STPG2: variants seen among roughly 807,000 people sequenced by gnomAD.
STPG2 encodes the protein sperm tail PG-rich repeat containing 2, also known as sperm-tail PG-rich repeat-containing protein 2.
Under a neutral mutation model 54.2 loss-of-function variants are expected in STPG2, and 56 were observed. That is an observed-to-expected ratio of 1.03 (90% CI 0.83 to 1.29). The LOEUF is 1.29. Among genes scored for constraint, STPG2 ranks in the 50% most tolerant of loss-of-function variants. The probability of loss-of-function intolerance (pLI) is 0.00; values close to 1 mark genes in which losing one functional copy is unlikely to be tolerated. For synonymous variants in STPG2, 200 were observed against 181.8 expected (o/e 1.10, Z -0.81); for missense variants, 596 against 544.9 (o/e 1.09, Z -0.93).
chr4:98,006,927 G>A (rs1367173712), intron 5 of STPG2, among the ~76,000 whole-genome samples: 1 of 152,122 alleles, frequency 6.6e-6, no homozygotes, highest in Non-Finnish European at 1.5e-5. Context: ...TGGTGCAGAA[G>A]CAGTTTCTCC....
chr4:97,740,600 C>G lies in STPG2; in HGVS notation c.1205-27786G>C, dbSNP rs573246681. Reference sequence around the variant, plus strand: ...AACAGAGAGCCAAATCATGAATGAACTCCCATTCACAATTTCTTCAAAGAG... The same window carrying G: ...AACAGAGAGCCAAATCATGAATGAAGTCCCATTCACAATTTCTTCAAAGAG... On this transcript the variant is annotated intron_variant, in intron 9 of 10. Coordinates refer to ENST00000295268, the MANE Select transcript of STPG2 (RefSeq NM_174952.3). Among the ~76,000 whole-genome samples the G allele has an allele frequency of 5.9e-5, 9 of 152,214 alleles. No individual in the cohort carries two copies. In the East Asian group the frequency reaches 1.7e-3, roughly 29 times the overall value.
chr4:97,805,134 T>C (rs1261144989), intron 9 of STPG2, among the ~76,000 whole-genome samples: 3 of 152,190 alleles, frequency 2.0e-5, no homozygotes, highest in East Asian at 1.9e-4. Context: ...GTGGGAAATA[T>C]TGGGTTGAAA....
At chr4:97,684,476 G>A (rs1723127039) in intron 10 of STPG2, among the ~76,000 whole-genome samples, 1 of 151,876 alleles carries the variant, frequency 6.6e-6, no homozygotes, top group East Asian at 1.9e-4. Flanking sequence ...ACATTTCAGT[G>A]GAGACAGGAT....
intron 4 of STPG2, among the ~76,000 whole-genome samples, chr4:97,467,842 GCT>G (rs1491574532): frequency 2.0e-5 from 3 of 146,404 alleles, no homozygotes; most frequent in Admixed American, 6.8e-5. Flanking sequence ...AGCTGCTTTT[GCT>G]TTTTTTTTTT....
At chr4:97,675,960 T>C (rs1722827749) in intron 10 of STPG2, among the ~76,000 whole-genome samples, 1 of 146,378 alleles carries the variant, frequency 6.8e-6, no homozygotes, top group South Asian at 2.1e-4. Flanking sequence ...ATATATAGTA[T>C]ACTATATATA....
chr4:97,657,649 A>G (rs1044412032), intron 10 of STPG2, among the ~76,000 whole-genome samples: 2 of 152,170 alleles, frequency 1.3e-5, no homozygotes, highest in African/African-American at 4.8e-5. Context: ...CTCAACTAAT[A>G]GGTCACTGCA....
chr4:97,654,571 G>A (rs1370438324), intron 10 of STPG2, among the ~76,000 whole-genome samples: 1 of 151,932 alleles, frequency 6.6e-6, no homozygotes, highest in African/African-American at 2.4e-5. Flanking sequence ...ACATCACTAT[G>A]TACTAACCAC....
intron 10 of STPG2, among the ~76,000 whole-genome samples, chr4:97,569,753 G>C (rs1732551611): frequency 6.6e-6 from 1 of 151,968 alleles, no homozygotes. Flanking sequence ...ATCATCAATT[G>C]ATGCTAAATA....
chr4:97,530,319 A>G (rs1731385887), intron 4 of STPG2, among the ~76,000 whole-genome samples: 1 of 152,136 alleles, frequency 6.6e-6, no homozygotes, highest in Admixed American at 6.6e-5. Flanking sequence ...TTACTTTTCT[A>G]TCTGTGATAG....
chr4:98,116,019 ATAATAAG>A (rs1177760961), intron 3 of STPG2, among the ~76,000 whole-genome samples: 1 of 151,988 alleles, frequency 6.6e-6, no homozygotes, highest in Non-Finnish European at 1.5e-5. Flanking sequence ...CAATAAATAA[ATAATAAG>A]TTGTATTGAT....
intron 8 of STPG2, among the ~76,000 whole-genome samples, chr4:97,922,869 C>A (rs1732159786): frequency 1.4e-5 from 2 of 148,064 alleles, no homozygotes; most frequent in Non-Finnish European, 3.0e-5. Flanking sequence ...TCATTATGTA[C>A]CCTATGAAAC....
chr4:97,702,879 G>A (rs1163732438), intron 10 of STPG2, among the ~76,000 whole-genome samples: 1 of 152,120 alleles, frequency 6.6e-6, no homozygotes, highest in Non-Finnish European at 1.5e-5. Flanking sequence ...TGCATGATAA[G>A]AGCTTGTGTC....
chr4:97,736,218 G>A (rs1242422329), intron 9 of STPG2, among the ~76,000 whole-genome samples: 1 of 152,136 alleles, frequency 6.6e-6, no homozygotes, highest in Non-Finnish European at 1.5e-5. Flanking sequence ...AATTCAGAAA[G>A]GTGATAGCAG....
chr4:97,743,328 T>C (rs1725325963), intron 9 of STPG2, among the ~76,000 whole-genome samples: 1 of 151,726 alleles, frequency 6.6e-6, no homozygotes, highest in African/African-American at 2.4e-5. Context: ...AGCAAAGGGA[T>C]GATATATTAC....
intron 5 of STPG2, among the ~76,000 whole-genome samples, chr4:98,006,558 C>A (rs1323462915): frequency 6.6e-6 from 1 of 152,182 alleles, no homozygotes; most frequent in African/African-American, 2.4e-5. Context: ...GAGTCTCAGG[C>A]TGGAGATTGG....
chr4:97,797,405 T>A lies in STPG2; in HGVS notation c.1204+43368A>T, dbSNP rs914438164. ...GAGAGTTTTTAGCATGAAGGGCTGTTGAATTTTGTCAAAGGCCTTTTCTGC... is the reference window on the plus strand; with the variant it reads ...GAGAGTTTTTAGCATGAAGGGCTGTAGAATTTTGTCAAAGGCCTTTTCTGC... On this transcript the variant is annotated intron_variant, in intron 9 of 10. Coordinates refer to ENST00000295268, the MANE Select transcript of STPG2 (RefSeq NM_174952.3). Among the ~76,000 whole-genome samples the A allele has an allele frequency of 5.9e-4, 90 of 152,230 alleles. 5 individuals are homozygous for A. The highest frequency in any genetic ancestry group is 2.9e-5 in the Non-Finnish European group (2 of 68,040).
chr4:97,969,438 T>A (rs1369983246), intron 7 of STPG2, among the ~76,000 whole-genome samples: 1 of 152,096 alleles, frequency 6.6e-6, no homozygotes, highest in African/African-American at 2.4e-5. Context: ...CTAAACTTAA[T>A]AACAAATGCT....
chr4:97,740,027 G>A (rs1725168550), intron 9 of STPG2, among the ~76,000 whole-genome samples: 1 of 151,982 alleles, frequency 6.6e-6, no homozygotes, highest in Non-Finnish European at 1.5e-5. Flanking sequence ...GATCAAGTGG[G>A]CTTCATCCCT....
At chr4:97,531,635 C>T (rs1731416221) in intron 4 of STPG2, among the ~76,000 whole-genome samples, 1 of 152,092 alleles carries the variant, frequency 6.6e-6, no homozygotes, top group African/African-American at 2.4e-5. Flanking sequence ...CATGTTCTCA[C>T]TTATTTGTGG....
Sources: gnomAD v4.1 joint callset for allele counts (sites outside exome capture counted in the v4.1 genomes callset) on GRCh38, gnomAD v4.1.1 for gene constraint, MANE v1.5 for transcripts, NCBI Gene and HGNC (gene_info 2026-07-23, HGNC 2026-07-21) for gene names.